SYNPR: variants seen among roughly 807,000 people sequenced by gnomAD.
The protein encoded by SYNPR is synaptoporin.
A neutral mutation model predicts 32.9 loss-of-function variants in SYNPR; 23 were observed. That is an observed-to-expected ratio of 0.70 (90% CI 0.50 to 0.99). The LOEUF is 0.99. SYNPR is among the 50% of genes least tolerant of loss of function. The pLI, the probability that SYNPR is intolerant of heterozygous loss-of-function variation, is 0.00. For synonymous variants in SYNPR, 146 were observed against 135.9 expected (o/e 1.07, Z -0.52); for missense variants, 318 against 349.3 (o/e 0.91, Z 0.71).
chr3:63,535,412 C>T (rs1488160844), intron 3 of SYNPR, among the ~76,000 whole-genome samples: 1 of 151,936 alleles, frequency 6.6e-6, no homozygotes. Context: ...AATGATTTTC[C>T]GTTGTTTTAG....
upstream of SYNPR, among the ~76,000 whole-genome samples, chr3:63,276,926 AC>A (rs2086581049): frequency 6.6e-6 from 1 of 150,576 alleles, no homozygotes; most frequent in African/African-American, 2.5e-5. Context: ...ACACACATAC[AC>A]ACCCATGAAC....
intron 3 of SYNPR, among the ~76,000 whole-genome samples, chr3:63,267,967 A>T (rs1413781657): frequency 6.6e-6 from 1 of 152,244 alleles, no homozygotes; most frequent in Non-Finnish European, 1.5e-5. Flanking sequence ...GCAAAAATAG[A>T]AATATTTTAA....
intron 2 of SYNPR, among the ~76,000 whole-genome samples, chr3:63,357,374 T>A (rs2087597499): frequency 6.6e-6 from 1 of 152,156 alleles, no homozygotes. Context: ...TGTCCTGACA[T>A]TCGAATGGTT....
chr3:63,264,783 G>T (rs961295265), intron 2 of SYNPR, among the ~76,000 whole-genome samples: 1 of 152,138 alleles, frequency 6.6e-6, no homozygotes, highest in Admixed American at 6.5e-5. Flanking sequence ...GAAGGCAAAG[G>T]AGAGGCAGGC....
At chr3:63,516,236 A>G (rs1701796963) in intron 3 of SYNPR, among the ~76,000 whole-genome samples, 1 of 152,070 alleles carries the variant, frequency 6.6e-6, no homozygotes, top group African/African-American at 2.4e-5. Flanking sequence ...ATGACATTCC[A>G]TCTTGGGGAG....
At chr3:63,595,816 GT>G (rs1337703006) in intron 4 of SYNPR, among the ~76,000 whole-genome samples, 1 of 41,136 alleles carries the variant, frequency 2.4e-5, no homozygotes, top group Non-Finnish European at 4.5e-5. Context: ...TATATATATA[GT>G]TTTATATATA....
rs550981432 is a variant in SYNPR, at chr3:63,486,233, G to A, written c.209+5277G>A. Among the ~76,000 whole-genome samples, 21 of 152,228 alleles carry A rather than the reference G, an allele frequency of 1.4e-4. No individual in the cohort carries two copies. The South Asian group carries it at 1.9e-3, about 14-fold the overall frequency. On this transcript the variant is annotated intron_variant, in intron 3 of 5. Transcript: ENST00000478300. ...CACAAGTCCCTATGACTGTTAAAGG[G>A]CTTTCTCTCACCGCTGGAACCTGTT...
At chr3:63,435,811 C>A (rs1700073225) in intron 2 of SYNPR, among the ~76,000 whole-genome samples, 1 of 152,092 alleles carries the variant, frequency 6.6e-6, no homozygotes, top group Non-Finnish European at 1.5e-5. Flanking sequence ...AAAGTCTAGG[C>A]CAATATGTTC....
intron 2 of SYNPR, among the ~76,000 whole-genome samples, chr3:63,361,647 G>A (rs938287008): frequency 6.6e-6 from 1 of 151,288 alleles, no homozygotes; most frequent in East Asian, 1.9e-4. Context: ...AACACAACAG[G>A]TGTTCAGTTT....
At chr3:63,423,891 C>T (rs1457748818) in intron 2 of SYNPR, 1 of 152,166 alleles carries the variant, frequency 6.6e-6, no homozygotes, top group Non-Finnish European at 1.5e-5. Flanking sequence ...TAACCCTTGT[C>T]TAAATATGAG....
In SYNPR at chr3:63,610,455, T is replaced by A. The variant is rs1367933908; in HGVS notation, c.600+1139T>A. The A allele has an allele frequency of 4.3e-6, 3 of 693,126 alleles. No homozygotes were observed. The South Asian group carries it at 4.6e-5, about 11-fold the overall frequency. 42.9% of individuals were successfully genotyped at this position (693,126 alleles called of 1,614,324 possible). ...AGAAATAATTATCTTTGCTTCAAGATTAACCTGTGTTTCTACAGCTTTCTG... is the reference window on the plus strand; with the variant it reads ...AGAAATAATTATCTTTGCTTCAAGAATAACCTGTGTTTCTACAGCTTTCTG... On this transcript the variant is annotated intron_variant, in intron 5 of 5. Coordinates refer to ENST00000478300, the MANE Select transcript of SYNPR (RefSeq NM_001130003.2).
intron 2 of SYNPR, among the ~76,000 whole-genome samples, chr3:63,407,943 G>A (rs1465024585): frequency 6.6e-6 from 1 of 151,916 alleles, no homozygotes; most frequent in Non-Finnish European, 1.5e-5. Flanking sequence ...GCTTGGCAAA[G>A]ATACTGGACA....
At position 63,269,086 on chromosome 3, in the gene SYNPR, G is replaced by C. The variant is rs146588031; in HGVS notation, n.287+1637G>C. Among the ~76,000 whole-genome samples the C allele has an allele frequency of 3.7e-3, 563 of 152,244 alleles. 2 individuals carry two copies. Among genetic ancestry groups the C allele is most frequent in the African/African-American group, 0.012 (496 of 41,530 alleles). The stretch of plus-strand genomic sequence containing the variant: ...AAATTCTATTTTCCTAATAACATAA[G>C]TATATAATTTGCTTATGAATAAAAA... On this transcript the variant is annotated intron_variant and non_coding_transcript_variant, in intron 3 of 4. Coordinates refer to the SYNPR transcript ENST00000478456.
rs895606582 is a variant in SYNPR at position 63,616,612 on chromosome 3, G to A, written c.*1131G>A. On this transcript the variant is annotated 3_prime_UTR_variant, in exon 6 of 6. Coordinates refer to ENST00000478300, the MANE Select transcript of SYNPR (RefSeq NM_001130003.2). ...AAAAATGGCTTCCATATGCCACTCT[G>A]TACCCCAAAGAGAGTTCTCATGAAA... The A allele has an allele frequency of 1.3e-5, 2 of 152,540 alleles. No homozygotes were observed. Among genetic ancestry groups the A allele is most frequent in the African/African-American group, 4.8e-5 (2 of 41,436 alleles). 9.4% of individuals were successfully genotyped at this position (152,540 alleles called of 1,614,324 possible). A position where few individuals can be genotyped will look rare whatever the true frequency, so the allele number is the denominator to read the frequency against.
intron 1 of SYNPR, among the ~76,000 whole-genome samples, chr3:63,229,293 G>A (rs1357650405): frequency 6.6e-6 from 1 of 151,980 alleles, no homozygotes; most frequent in African/African-American, 2.4e-5. Flanking sequence ...TTAAATGAGA[G>A]CAATTCACAT....
At chr3:63,461,607 T>C (rs1214327960) in intron 2 of SYNPR, among the ~76,000 whole-genome samples, 1 of 151,912 alleles carries the variant, frequency 6.6e-6, no homozygotes, top group East Asian at 2.0e-4. Context: ...GAAATCTAGG[T>C]CCCTCCAAGT....
chr3:63,303,534 G>A (rs2086878536), intron 2 of SYNPR, among the ~76,000 whole-genome samples: 1 of 151,958 alleles, frequency 6.6e-6, no homozygotes, highest in African/African-American at 2.4e-5. Context: ...TGCACAAAGA[G>A]TACTTTATCC....
Position 63,393,496 on chromosome 3 carries a change from C to CTTTTTTTTTT in SYNPR, c.85-87324_85-87315dup, listed in dbSNP as rs71631152. ...CCTTCCTTCCTTCTTTCTTTCTTCT[C>CTTTTTTTTTT]TTTTTTTTTTTTTTTTTTTTTGACA... On this transcript the variant is annotated intron_variant, in intron 2 of 5. Coordinates refer to ENST00000478300, the MANE Select transcript of SYNPR (RefSeq NM_001130003.2). Among the ~76,000 whole-genome samples, 182 of 84,492 alleles carry CTTTTTTTTTT rather than the reference C, an allele frequency of 2.2e-3. 6 individuals are homozygous for CTTTTTTTTTT. The highest frequency in any genetic ancestry group is 6.2e-3 in the African/African-American group (110 of 17,618). The allele number at this position is 84,492 out of a possible 152,430, so 55.4% of individuals were successfully genotyped here.
At chr3:63,505,449 G>A (rs754565494) in intron 3 of SYNPR, among the ~76,000 whole-genome samples, 1 of 152,114 alleles carries the variant, frequency 6.6e-6, no homozygotes, top group East Asian at 1.9e-4. Context: ...TACGGGAGAA[G>A]CTTGAGTCAG....
Sources: allele counts gnomAD v4.1 joint callset (sites outside exome capture counted in the v4.1 genomes callset), GRCh38; gene constraint gnomAD v4.1.1; transcripts MANE v1.5; gene names NCBI Gene and HGNC (gene_info 2026-07-23, HGNC 2026-07-21).